The following KIF14 variants were observed in gnomAD, a reference collection of about 807,000 sequenced individuals.
KIF14 encodes kinesin-like protein KIF14.
Under a neutral mutation model 176.2 loss-of-function variants are expected in KIF14, and 98 were observed. That is an observed-to-expected ratio of 0.56 (90% CI 0.47 to 0.66). The LOEUF (loss-of-function observed/expected upper bound fraction) is 0.66, where lower values mean the gene tolerates loss of function less well. KIF14 is among the 30% of genes least tolerant of loss of function. The pLI is 0.00. For synonymous variants in KIF14, 566 were observed against 632.2 expected (o/e 0.90, Z 1.57); for missense variants, 1,751 against 1,920.4 (o/e 0.91, Z 1.65).
At chr1:200,583,843 G>GA (rs1269626194) in intron 19 of KIF14, among the ~76,000 whole-genome samples, 2 of 151,884 alleles carry the variant, frequency 1.3e-5, no homozygotes, top group Non-Finnish European at 2.9e-5. Flanking sequence ...TCAGGAAGCT[G>GA]AAGCAGGAGA....
intron 1 of KIF14, 73 bp from the exon 2 acceptor site, chr1:200,618,911 T>A (rs969545677): frequency 1.9e-6 from 1 of 529,982 alleles, no homozygotes; most frequent in Non-Finnish European, 3.3e-6. Context: ...GAACATCCCA[T>A]TGTGTAAGTA....
rs117755252 is a variant in KIF14, at chr1:200,585,843, C to T, written c.3241+258G>A. On this transcript the variant is annotated intron_variant, in intron 19 of 29. Coordinates refer to ENST00000367350, the MANE Select transcript of KIF14 (RefSeq NM_014875.3). ...GACCTCCACTTCCTAACACTGCTGC[C>T]TTGGAGGTTATGAATTCAATATATT... is the stretch of plus-strand genomic sequence containing the variant. Among the ~76,000 whole-genome samples the T allele has an allele frequency of 9.3e-3, 1,422 of 152,202 alleles. 30 individuals are homozygous for T. The highest frequency in any genetic ancestry group is 0.048 in the Admixed American group (730 of 15,278).
At position 200,618,773 on chromosome 1, in the gene KIF14, T is replaced by C. The variant is rs1413813298; in HGVS notation, c.-50A>G. The C allele has an allele frequency of 1.4e-6, 2 of 1,390,108 alleles. No homozygotes were observed. The highest frequency in any genetic ancestry group is 2.9e-5 in the African/African-American group (2 of 69,534). The allele number at this position is 1,390,108 out of a possible 1,614,324, so 86.1% of individuals were successfully genotyped here. ...AGAATGTTACTAAGACCCTAAGCTC[T>C]TCTTTGGACATTCATTTGATTTCCA... On this transcript the variant is annotated 5_prime_UTR_variant, in exon 2 of 30. Coordinates refer to ENST00000367350, the MANE Select transcript of KIF14 (RefSeq NM_014875.3).
intron 25 of KIF14, among the ~76,000 whole-genome samples, 168 bp from the exon 26 acceptor site, chr1:200,561,048 T>C (rs1571457602): frequency 6.6e-6 from 1 of 151,322 alleles, no homozygotes; most frequent in East Asian, 2.0e-4. Context: ...CTGGCCAACA[T>C]GGTAAAACCC....
In KIF14 at chr1:200,565,533, G is replaced by T. The variant is rs757021026; in HGVS notation, c.3798C>A (p.Ser1266Arg). The change falls in exon 24 of 30, where the codon AGC (serine) becomes AGA (arginine). Residue 1266 changes from serine (S) to arginine (R), a missense_variant. Ser to Arg is a moderately radical substitution (Grantham distance 110). Coordinates refer to ENST00000367350, the MANE Select transcript of KIF14 (RefSeq NM_014875.3). ...SYDEERTIAD[S>R]LINSFLKIYN... is the part of the protein sequence containing the mutation. ...AAATTTTAAGAAAACTATTAATTAG[G>T]CTGTCTGCTATAGTTCTTTCTTCAT... 1 of 1,610,878 alleles carries T rather than the reference G, an allele frequency of 6.2e-7. No individual in the cohort carries two copies. Among genetic ancestry groups the T allele is most frequent in the African/African-American group, 1.3e-5 (1 of 74,764 alleles).
Position 200,581,214 on chromosome 1 carries a change from A to G in KIF14, c.3322T>C (p.Tyr1108His). 1 of 1,595,334 alleles carries G rather than the reference A, an allele frequency of 6.3e-7. No homozygotes were observed. The highest frequency in any genetic ancestry group is 8.5e-7 in the Non-Finnish European group (1 of 1,169,620). ...TTAATTACTCACCTGCCAAAAACAT[A>G]GTATGTTTTCAATTTGCTGCTGATA... ...NAISSKLKTY[Y>H]VFGRHDISDK... Residue 1108 changes from tyrosine to histidine, a missense_variant, in exon 20 of 30, where the codon TAT becomes CAT. Tyr to His is a moderately conservative substitution (Grantham distance 83). Transcript: ENST00000367350.
Position 200,575,684 on chromosome 1 carries a change from C to T in KIF14, c.3473G>A (p.Gly1158Asp). The part of the protein sequence containing the change: ...AAMKELYESN[G>D]SNRGEDAFCD... ...AAAGGCATCTTCACCCCTGTTACTA[C>T]CATTACTCTAAGAAAAATATAATAT... The change falls in exon 22 of 30, where the codon GGT becomes GAT. Residue 1158 changes from glycine to aspartate, a missense_variant. Coordinates refer to ENST00000367350, the MANE Select transcript of KIF14 (RefSeq NM_014875.3). The T allele has an allele frequency of 6.5e-7, 1 of 1,529,970 alleles. No homozygotes were observed. The highest frequency in any genetic ancestry group is 8.9e-7 in the Non-Finnish European group (1 of 1,128,348). The allele number at this position is 1,529,970 out of a possible 1,614,324, so 94.8% of individuals were successfully genotyped here.
chr1:200,586,024 G>A lies in KIF14; in HGVS notation c.3241+77C>T. ...TTTTGAATATGTAAAGGCAACTAAT[G>A]CTAATATTTTAGTAATTATATTACA... On this transcript the variant is annotated intron_variant, in intron 19 of 29. Coordinates refer to ENST00000367350, the MANE Select transcript of KIF14 (RefSeq NM_014875.3). 3 of 1,035,470 alleles carry A rather than the reference G, an allele frequency of 2.9e-6. No individual in the cohort carries two copies. The South Asian group carries it at 8.2e-5, about 28-fold the overall frequency. 64.1% of individuals were successfully genotyped at this position (1,035,470 alleles called of 1,614,324 possible). A position where few individuals can be genotyped will look rare whatever the true frequency, so the allele number is the denominator to read the frequency against.
At chr1:200,561,461 C>T (rs1215510666) in intron 25 of KIF14, among the ~76,000 whole-genome samples, 2 of 151,530 alleles carry the variant, frequency 1.3e-5, no homozygotes, top group African/African-American at 4.9e-5. Flanking sequence ...ATCACTTGAA[C>T]CTGGGAGGTG....
intron 14 of KIF14, among the ~76,000 whole-genome samples, chr1:200,594,368 CAAAAAAAAAA>C (rs371729211): frequency 3.2e-5 from 3 of 92,516 alleles, no homozygotes; most frequent in Admixed American, 2.7e-4. Flanking sequence ...CCCAAAAATT[CAAAAAAAAAA>C]AAAAAAAAAA....
rs776964721 is a variant in KIF14, at chr1:200,618,117, G to A, written c.607C>T (p.Pro203Ser). ...GCAACATTTTCATTTGCTCTACTGGGGGCAGAAAATGTTTCTTTGTATTTC... is the reference window on the plus strand; with the variant it reads ...GCAACATTTTCATTTGCTCTACTGGAGGCAGAAAATGTTTCTTTGTATTTC... ...DKKYKETFSA[P>S]SRANENVALK... Residue 203 changes from proline (P) to serine (S), a missense_variant, in exon 2 of 30, where the codon CCC (proline) becomes TCC (serine). Pro to Ser is a moderately conservative substitution (Grantham distance 74). Transcript: ENST00000367350. 6.2e-7 allele frequency: 1 copy of A among 1,613,992 alleles called. No individual in the cohort carries two copies. The highest frequency in any genetic ancestry group is 8.5e-7 in the Non-Finnish European group (1 of 1,180,010).
At chr1:200,575,446 T>C in intron 22 of KIF14, 145 bp downstream of exon 22, 1 of 418,880 alleles carries the variant, frequency 2.4e-6, no homozygotes, top group East Asian at 3.5e-5. Flanking sequence ...CTCTTACAGT[T>C]CTGGGTTTCC....
At chr1:200,587,804 C>A (rs1047045982) in intron 18 of KIF14, among the ~76,000 whole-genome samples, 3 of 152,026 alleles carry the variant, frequency 2.0e-5, no homozygotes, top group Non-Finnish European at 4.4e-5. Context: ...AATGAAACTC[C>A]GTCTCAAAAT....
intron 4 of KIF14, among the ~76,000 whole-genome samples, chr1:200,610,101 T>A (rs926211228): frequency 6.6e-6 from 1 of 152,118 alleles, no homozygotes; most frequent in African/African-American, 2.4e-5. Flanking sequence ...GCAATGAAAA[T>A]TTTTTGGCAC....
At chr1:200,591,531 T>G (rs1248381163) in intron 16 of KIF14, among the ~76,000 whole-genome samples, 1 of 152,216 alleles carries the variant, frequency 6.6e-6, no homozygotes, top group African/African-American at 2.4e-5. Flanking sequence ...TTGTATATAC[T>G]TTACCATTTA....
At chr1:200,590,579 C>G (rs557396738) in intron 16 of KIF14, among the ~76,000 whole-genome samples, 16 of 151,742 alleles carry the variant, frequency 1.1e-4, no homozygotes, top group Non-Finnish European at 2.1e-4. Context: ...CCCAATTTTA[C>G]TGAAAAAAAG....
intron 26 of KIF14, among the ~76,000 whole-genome samples, chr1:200,560,282 T>A (rs1005444706): frequency 4.2e-4 from 14 of 33,360 alleles, no homozygotes; most frequent in African/African-American, 1.0e-3. Flanking sequence ...TTTTGTTGGG[T>A]TTTTTTTGAG....
At chr1:200,567,900 A>G (rs986058316) in intron 23 of KIF14, among the ~76,000 whole-genome samples, 25 of 152,062 alleles carry the variant, frequency 1.6e-4, no homozygotes, top group African/African-American at 6.0e-4. Flanking sequence ...CGATGACTCA[A>G]TATCATTATG....
At chr1:200,579,686 T>C (rs755388191) in intron 21 of KIF14, among the ~76,000 whole-genome samples, 1 of 152,088 alleles carries the variant, frequency 6.6e-6, no homozygotes, top group Non-Finnish European at 1.5e-5. Context: ...TGGCAAGCAA[T>C]TTGTCGGTGA....
Sources: gnomAD v4.1 joint callset for allele counts (sites outside exome capture counted in the v4.1 genomes callset) on GRCh38, gnomAD v4.1.1 for gene constraint, MANE v1.5 for transcripts, NCBI Gene and HGNC (gene_info 2026-07-23, HGNC 2026-07-21) for gene names.